The following LNX1 variants were observed in gnomAD, a reference collection of about 807,000 sequenced individuals.
LNX1 encodes the protein E3 ubiquitin-protein ligase LNX.
Under a neutral mutation model 68.4 loss-of-function variants are expected in LNX1, and 54 were observed. That is an observed-to-expected ratio of 0.79 (90% CI 0.63 to 0.99). The LOEUF (loss-of-function observed/expected upper bound fraction) is 0.99. Ranked by LOEUF, LNX1 falls within the 50% of genes least tolerant of loss-of-function variation. The pLI, the probability that LNX1 is intolerant of heterozygous loss-of-function variation, is 0.00. For synonymous variants in LNX1, 336 were observed against 350.0 expected, an observed-to-expected ratio of 0.96 and a Z score of 0.45; for missense variants, 906 against 926.4, an observed-to-expected ratio of 0.98 and a Z score of 0.29.
At position 53,573,978 on chromosome 4, in the gene LNX1, C is replaced by A. The variant is rs116744860; in HGVS notation, c.25G>T (p.Asp9Tyr). ...CACACTGCACACAGGGGTTCAGGAT[C>A]GTTGGCAGACTCTGGCTGGTTCATG... MNQPESAN[D>Y]PEPLCAVCGQ... is the part of the protein sequence containing the mutation. Residue 9 changes from aspartate (D) to tyrosine (Y), a missense_variant, in exon 2 of 11, where the codon GAT (aspartate) becomes TAT (tyrosine). Asp to Tyr is a radical substitution (Grantham distance 160). Coordinates refer to ENST00000263925, the MANE Select transcript of LNX1 (RefSeq NM_001126328.3). 9.9e-6 allele frequency: 16 copies of A among 1,612,398 alleles called. No individual in the cohort carries two copies. The Admixed American group carries it at 1.5e-4, about 15-fold the overall frequency.
At chr4:53,490,916 CA>C (rs1724635603) in intron 6 of LNX1, among the ~76,000 whole-genome samples, 1 of 152,006 alleles carries the variant, frequency 6.6e-6, no homozygotes, top group South Asian at 2.1e-4. Context: ...GCTTTGCTCC[CA>C]TTTTTTTTTA....
intron 1 of LNX1, among the ~76,000 whole-genome samples, chr4:53,625,844 C>CGTGTGTGT (rs59366709): frequency 0.068 from 9,801 of 144,134 alleles, 411 homozygotes; most frequent in East Asian, 0.12. Context: ...AATTCCACCC[C>CGTGTGTGT]GTGTGTGTGT....
chr4:53,557,897 G>A lies in LNX1; in HGVS notation c.380+15726C>T, dbSNP rs752397115. The stretch of plus-strand genomic sequence containing the variant: ...ACAGTTCTGAATACAGGAAGTGCAG[G>A]TTGCCCACATTGTCAATGTAGTTAG... On this transcript the variant is annotated intron_variant, in intron 2 of 10. Coordinates refer to ENST00000263925, the MANE Select transcript of LNX1 (RefSeq NM_001126328.3). The A allele has an allele frequency of 3.1e-6, 5 of 1,613,406 alleles. No homozygotes were observed. In the African/African-American group the frequency reaches 4.0e-5, roughly 13 times the overall value.
At chr4:53,576,603 G>T (rs1731501528) in intron 1 of LNX1, among the ~76,000 whole-genome samples, 1 of 151,864 alleles carries the variant, frequency 6.6e-6, no homozygotes, top group Admixed American at 6.6e-5. Context: ...TGGGGCTAAG[G>T]GGAGGGGAAA....
In LNX1 at chr4:53,631,754, GGCTT is replaced by G. The variant is rs1353716444; in HGVS notation, c.-215+20410_-215+20413del. Among the ~76,000 whole-genome samples, 4 of 152,084 alleles carry G rather than the reference GGCTT, an allele frequency of 2.6e-5. No homozygotes were observed. In the East Asian group the frequency reaches 7.7e-4, roughly 29 times the overall value. The stretch of plus-strand genomic sequence containing the variant: ...ATGTAGGCCCAAAGTGACTGAGGAA[GGCTT>G]GTTTCAGTGATTCTCAAACCTGGCT... On this transcript the variant is annotated intron_variant, in intron 1 of 2. Transcript: ENST00000507168.
At chr4:53,588,981 G>C (rs950590330) in intron 1 of LNX1, among the ~76,000 whole-genome samples, 2 of 152,180 alleles carry the variant, frequency 1.3e-5, no homozygotes, top group African/African-American at 4.8e-5. Flanking sequence ...GTACAATGAG[G>C]CTCCAAACCA....
intron 1 of LNX1, among the ~76,000 whole-genome samples, chr4:53,635,188 T>C (rs998444802): frequency 1.3e-5 from 2 of 152,126 alleles, no homozygotes; most frequent in Non-Finnish European, 2.9e-5. Flanking sequence ...ACACCTCTTA[T>C]CTTTCTTGTC....
In LNX1 at chr4:53,549,522, A is replaced by G. The variant is rs143648692; in HGVS notation, c.380+24101T>C. On this transcript the variant is annotated intron_variant, in intron 2 of 10. Coordinates refer to ENST00000263925, the MANE Select transcript of LNX1 (RefSeq NM_001126328.3). ...GCAACGTGTAGATTGTATTTAGCTC[A>G]TGATTCACACAAACTAGATATTTGT... 12 of 151,444 alleles carry G rather than the reference A, an allele frequency of 7.9e-5. No homozygotes were observed. In the East Asian group the frequency reaches 2.3e-3, roughly 29 times the overall value. The allele number at this position is 151,444 out of a possible 1,614,324, so 9.4% of individuals were successfully genotyped here.
At chr4:53,474,091 T>C (rs1436932130) in intron 9 of LNX1, among the ~76,000 whole-genome samples, 1 of 152,170 alleles carries the variant, frequency 6.6e-6, no homozygotes, top group Non-Finnish European at 1.5e-5. Flanking sequence ...ATACAATAAT[T>C]TGATATCCAG....
chr4:53,469,753 A>C lies in LNX1; in HGVS notation c.1892+7000T>G, dbSNP rs547810748. Among the ~76,000 whole-genome samples the C allele has an allele frequency of 4.3e-3, 649 of 152,344 alleles. 20 individuals carry two copies. The highest frequency in any genetic ancestry group is 0.04 in the Admixed American group (606 of 15,294). Reference sequence around the variant, plus strand: ...CTAGAAAATCTAGAAGAAATGGATAAATTCCTCGACACATACACCCTCCCA... The same window carrying C: ...CTAGAAAATCTAGAAGAAATGGATACATTCCTCGACACATACACCCTCCCA... On this transcript the variant is annotated intron_variant, in intron 9 of 10. Transcript: ENST00000263925.
intron 1 of LNX1, among the ~76,000 whole-genome samples, chr4:53,625,639 A>AAAAAAAT (rs770660076): frequency 6.6e-6 from 1 of 152,090 alleles, no homozygotes; most frequent in Non-Finnish European, 1.5e-5. Context: ...TCTACAAAAT[A>AAAAAAAT]AAAAAATAAA....
intron 1 of LNX1, among the ~76,000 whole-genome samples, chr4:53,577,755 C>T (rs1343801644): frequency 6.6e-6 from 1 of 152,018 alleles, no homozygotes; most frequent in Non-Finnish European, 1.5e-5. Flanking sequence ...TCTTAATATT[C>T]TGGTCAAAGA....
At chr4:53,603,316 TTAAA>T (rs1233626825) in intron 2 of LNX1, among the ~76,000 whole-genome samples, 2 of 152,100 alleles carry the variant, frequency 1.3e-5, no homozygotes, top group African/African-American at 4.8e-5. Flanking sequence ...AACATCTTCA[TTAAA>T]TAAACACACA....
Position 53,641,133 on chromosome 4 carries a change from T to C in LNX1, c.-215+11035A>G, listed in dbSNP as rs549422359. ...CCTCAATGAACACTGGAATGTGGCATGGTTTTTTGGCCTGGGTATGCTGGA... is the reference window on the plus strand; with the variant it reads ...CCTCAATGAACACTGGAATGTGGCACGGTTTTTTGGCCTGGGTATGCTGGA... On this transcript the variant is annotated intron_variant, in intron 1 of 2. Coordinates refer to the LNX1 transcript ENST00000507168. Among the ~76,000 whole-genome samples the C allele has an allele frequency of 3.5e-5, 5 of 144,746 alleles. No homozygotes were observed. The South Asian group carries it at 1.1e-3, about 32-fold the overall frequency. 95.0% of individuals were successfully genotyped at this position (144,746 alleles called of 152,430 possible). A position where few individuals can be genotyped will look rare whatever the true frequency, so the allele number is the denominator to read the frequency against.
At chr4:53,628,606 G>A (rs1223963391) in intron 1 of LNX1, among the ~76,000 whole-genome samples, 3 of 152,108 alleles carry the variant, frequency 2.0e-5, no homozygotes, top group Non-Finnish European at 2.9e-5. Flanking sequence ...ACCATTTGAC[G>A]CAGCAGTCCC....
chr4:53,520,196 A>G (rs1014642557), intron 2 of LNX1, among the ~76,000 whole-genome samples: 2 of 152,190 alleles, frequency 1.3e-5, no homozygotes, highest in African/African-American at 4.8e-5. Flanking sequence ...AGCCTCTCAC[A>G]GCAACCCCTG....
At chr4:53,571,252 T>C (rs189860464) in intron 2 of LNX1, among the ~76,000 whole-genome samples, 3 of 152,122 alleles carry the variant, frequency 2.0e-5, no homozygotes, top group Admixed American at 6.5e-5. Context: ...ACTCCTGATC[T>C]CAAGTGATCT....
intron 2 of LNX1, among the ~76,000 whole-genome samples, chr4:53,601,678 C>T (rs1458814622): frequency 6.6e-5 from 10 of 152,184 alleles, no homozygotes; most frequent in Admixed American, 6.5e-4. Flanking sequence ...ATGTCCCCTC[C>T]TCATCTGTGC....
chr4:53,577,315 T>C (rs1731556395), intron 1 of LNX1, among the ~76,000 whole-genome samples: 1 of 152,242 alleles, frequency 6.6e-6, no homozygotes, highest in Non-Finnish European at 1.5e-5. Flanking sequence ...TTCTGCCATA[T>C]AGTCCCACAT....
Sources: allele counts gnomAD v4.1 joint callset (sites outside exome capture counted in the v4.1 genomes callset), GRCh38; gene constraint gnomAD v4.1.1; transcripts MANE v1.5; gene names NCBI Gene and HGNC (gene_info 2026-07-23, HGNC 2026-07-21).